Variants in PCDHA3 observed in about 807,000 individuals in gnomAD.
PCDHA3 encodes the protein protocadherin alpha-3.
Under a neutral mutation model 62.2 loss-of-function variants are expected in PCDHA3, and 41 were observed. The observed-to-expected ratio is 0.66, with a 90% CI of 0.51 to 0.86. PCDHA3 has a LOEUF of 0.86. Among genes scored for constraint, PCDHA3 ranks in the 40% least tolerant of loss-of-function variants. The probability of loss-of-function intolerance (pLI) is 0.00; values close to 1 mark genes in which losing one functional copy is unlikely to be tolerated. For synonymous variants in PCDHA3, 640 were observed against 555.4 expected, an observed-to-expected ratio of 1.15 and a Z score of -2.14; for missense variants, 1,304 against 1,241.2, an observed-to-expected ratio of 1.05 and a Z score of -0.76.
At chr5:140,946,826 G>A (rs1161316537) in intron 1 of PCDHA3, among the ~76,000 whole-genome samples, 1 of 151,404 alleles carries the variant, frequency 6.6e-6, no homozygotes, top group African/African-American at 2.4e-5. Context: ...TACCAGAGAT[G>A]GGTAGGGCAG....
chr5:140,919,821 T>C (rs944662452), intron 1 of PCDHA3, among the ~76,000 whole-genome samples: 1 of 152,230 alleles, frequency 6.6e-6, no homozygotes, highest in Non-Finnish European at 1.5e-5. Flanking sequence ...CAAAAATATA[T>C]GTCCACATAG....
intron 1 of PCDHA3, chr5:140,835,718 G>T (rs2150242992): frequency 1.9e-6 from 3 of 1,613,908 alleles, no homozygotes; most frequent in South Asian, 1.1e-5. Context: ...CCGTGGAGGT[G>T]GCCGACGTGA....
At chr5:140,953,932 C>T (rs1005245846) in intron 1 of PCDHA3, among the ~76,000 whole-genome samples, 1 of 152,060 alleles carries the variant, frequency 6.6e-6, no homozygotes, top group Admixed American at 6.6e-5. Flanking sequence ...CTGATGCTCT[C>T]CCTCCCATTG....
At chr5:140,960,346 T>A (rs782732587) in intron 1 of PCDHA3, among the ~76,000 whole-genome samples, 21 of 152,174 alleles carry the variant, frequency 1.4e-4, no homozygotes, top group Admixed American at 2.6e-4. Context: ...AGGTGAGATA[T>A]GTACTGAAAT....
chr5:140,933,306 G>A (rs1159375359), intron 1 of PCDHA3, among the ~76,000 whole-genome samples: 1 of 151,920 alleles, frequency 6.6e-6, no homozygotes, highest in African/African-American at 2.4e-5. Context: ...AAATAAATAT[G>A]CAATCTCGTA....
In PCDHA3 at chr5:140,802,256, A is replaced by G. The variant is rs537450462; in HGVS notation, c.1059A>G (p.Gln353=). 97 of 1,614,244 alleles carry G rather than the reference A, an allele frequency of 6.0e-5. No homozygotes were observed. The highest frequency in any genetic ancestry group is 4.0e-4 in the South Asian group (36 of 91,092). The change falls in exon 1 of 4, where the codon CAA becomes CAG. Residue 353 remains glutamine (Q), a synonymous_variant. Coordinates refer to ENST00000522353, the MANE Select transcript of PCDHA3 (RefSeq NM_018906.3). ...ATAATGTACCTGAGTTAGTTATTCAATCACTATCTTTACCTGTATTAGAAG... is the reference window on the plus strand; with the variant it reads ...ATAATGTACCTGAGTTAGTTATTCAGTCACTATCTTTACCTGTATTAGAAG... ...INDNVPELVI[Q]SLSLPVLEDS... is the part of the protein sequence containing the mutation.
intron 1 of PCDHA3, chr5:140,843,091 G>C: frequency 6.3e-7 from 1 of 1,595,616 alleles, no homozygotes; most frequent in Non-Finnish European, 8.6e-7. Context: ...CGGGCCACGT[G>C]GTAGCGAAGG....
At chr5:140,905,395 G>T (rs1562949609) in intron 1 of PCDHA3, among the ~76,000 whole-genome samples, 1 of 152,166 alleles carries the variant, frequency 6.6e-6, no homozygotes. Context: ...AGGTCTGTGT[G>T]CCTATTTTTA....
chr5:140,850,863 T>C lies in PCDHA3; in HGVS notation c.2394+47272T>C, dbSNP rs2150500955. 38 of 1,592,804 alleles carry C rather than the reference T, an allele frequency of 2.4e-5. 2 individuals are homozygous for C. Among genetic ancestry groups the C allele is most frequent in the Non-Finnish European group, 3.2e-5 (37 of 1,163,928 alleles). On this transcript the variant is annotated intron_variant, in intron 1 of 3. Transcript: ENST00000522353. ...ATCTACAGAGCGAACGGGAGAACCC[T>C]CTGCTTCCTCAGATTCAACTGGGAA...
chr5:140,833,215 A>G (rs1317399429), intron 1 of PCDHA3, among the ~76,000 whole-genome samples: 1 of 152,200 alleles, frequency 6.6e-6, no homozygotes, highest in Non-Finnish European at 1.5e-5. Context: ...ATAGGAATGG[A>G]CAGGTTACAC....
chr5:140,830,998 T>TA (rs1415698100), intron 1 of PCDHA3: 3 of 152,294 alleles, frequency 2.0e-5, no homozygotes, highest in Non-Finnish European at 4.4e-5. Context: ...TCATAGTTTT[T>TA]ATCTGTGGTT....
chr5:140,835,636 T>C (rs1460811244), intron 1 of PCDHA3: 1 of 1,613,788 alleles, frequency 6.2e-7, no homozygotes, highest in Non-Finnish European at 8.5e-7. Flanking sequence ...CGCGAGAGTG[T>C]GTCCGCCTAT....
At chr5:140,878,110 AC>A (rs1554170303) in intron 1 of PCDHA3, 1 of 249,146 alleles carries the variant, frequency 4.0e-6, no homozygotes, top group African/African-American at 2.3e-5. Context: ...CTTGAAAAAA[AC>A]AGTATATTAG....
intron 1 of PCDHA3, among the ~76,000 whole-genome samples, chr5:140,949,684 C>T (rs116815984): frequency 0.023 from 3,563 of 151,738 alleles, 50 homozygotes; most frequent in Middle Eastern, 0.051. Context: ...CTTGTTGAAG[C>T]GTATTGTTGG....
At chr5:140,954,015 C>T (rs1322183660) in intron 1 of PCDHA3, among the ~76,000 whole-genome samples, 4 of 152,136 alleles carry the variant, frequency 2.6e-5, no homozygotes, top group African/African-American at 7.2e-5. Context: ...AGCTCCCACA[C>T]ATAGTGGGAC....
intron 1 of PCDHA3, among the ~76,000 whole-genome samples, chr5:140,911,222 T>G (rs2075377398): frequency 6.6e-6 from 1 of 152,204 alleles, no homozygotes; most frequent in African/African-American, 2.4e-5. Flanking sequence ...ATGAGAAAGC[T>G]GTTTCTTCTG....
chr5:140,886,281 T>C (rs2060932567), intron 1 of PCDHA3, among the ~76,000 whole-genome samples: 1 of 151,934 alleles, frequency 6.6e-6, no homozygotes, highest in African/African-American at 2.4e-5. Flanking sequence ...TTTTTAAAAT[T>C]ATTTTTATAT....
At chr5:140,942,916 A>G (rs2093393160) in intron 1 of PCDHA3, among the ~76,000 whole-genome samples, 1 of 152,158 alleles carries the variant, frequency 6.6e-6, no homozygotes, top group Non-Finnish European at 1.5e-5. Context: ...GCGTGAAGAA[A>G]AAAAAAATTG....
At chr5:140,952,807 C>T (rs1390694306) in intron 1 of PCDHA3, among the ~76,000 whole-genome samples, 2 of 152,158 alleles carry the variant, frequency 1.3e-5, no homozygotes, top group Admixed American at 6.5e-5. Context: ...CGCAGTTCTG[C>T]AGGCTGTACA....
Sources: allele counts gnomAD v4.1 joint callset (sites outside exome capture counted in the v4.1 genomes callset), GRCh38; gene constraint gnomAD v4.1.1; transcripts MANE v1.5; gene names NCBI Gene and HGNC (gene_info 2026-07-23, HGNC 2026-07-21).